IQCH: variants seen among roughly 807,000 people sequenced by gnomAD.
IQCH encodes IQ motif containing H.
Under a neutral mutation model 117.0 loss-of-function variants are expected in IQCH, and 98 were observed. The observed-to-expected ratio is 0.84, with a 90% confidence interval of 0.71 to 0.99. The LOEUF is 0.99. Among genes scored for constraint, IQCH ranks in the 50% least tolerant of loss-of-function variants. The pLI is 0.00. For missense variants in IQCH, 1,102 were observed against 1,243.8 expected (o/e 0.89, Z 1.72); for synonymous variants, 412 against 448.2 (o/e 0.92, Z 1.02).
intron 6 of IQCH, among the ~76,000 whole-genome samples, chr15:67,354,617 G>A (rs1245175753): frequency 7.5e-6 from 1 of 134,090 alleles, no homozygotes; most frequent in Non-Finnish European, 1.7e-5. Context: ...ATAAGACAAA[G>A]TATGGAAGGA....
Position 67,407,151 on chromosome 15 carries a change from T to C in IQCH, c.2097+6846T>C, listed in dbSNP as rs1047948317. ...GCCTATGCTTTACCCAGACAGTGCCTTGGAAAGAATAAGTCTTCATAGCAG... is the reference window on the plus strand; with the variant it reads ...GCCTATGCTTTACCCAGACAGTGCCCTGGAAAGAATAAGTCTTCATAGCAG... On this transcript the variant is annotated intron_variant, in intron 14 of 20. Coordinates refer to ENST00000335894, the MANE Select transcript of IQCH (RefSeq NM_001031715.3). This position sits in a 1 kb window ranked among gnomAD's most constrained non-coding sequence, Gnocchi z 5.3. The C allele has an allele frequency of 1.3e-5, 2 of 152,234 alleles. No individual in the cohort carries two copies. The highest frequency in any genetic ancestry group is 2.9e-5 in the Non-Finnish European group (2 of 68,038). 9.4% of individuals were successfully genotyped at this position (152,234 alleles called of 1,614,324 possible). A position where few individuals can be genotyped will look rare whatever the true frequency, so the allele number is the denominator to read the frequency against.
intron 4 of IQCH, among the ~76,000 whole-genome samples, chr15:67,303,941 T>G (rs1967176051): frequency 6.6e-6 from 1 of 152,162 alleles, no homozygotes; most frequent in South Asian, 2.1e-4. Context: ...GTGGCCACAT[T>G]AACAGACCAA....
rs759730597 is a variant in IQCH, at chr15:67,393,801, G to A, written c.1633-1490G>A. Reference sequence around the variant, plus strand: ...TAAAGTACTGGGATTACAGGTATGAGCCACGGTGCCTAGCCTGACTTTATT... The same window carrying A: ...TAAAGTACTGGGATTACAGGTATGAACCACGGTGCCTAGCCTGACTTTATT... On this transcript the variant is annotated intron_variant, in intron 12 of 20. Transcript: ENST00000335894. The surrounding 1 kb of genome is among the most constrained non-coding windows in gnomAD (Gnocchi z 5.5). Among the ~76,000 whole-genome samples, 2 of 152,150 alleles carry A rather than the reference G, an allele frequency of 1.3e-5. No homozygotes were observed. Among genetic ancestry groups the A allele is most frequent in the Admixed American group, 6.5e-5 (1 of 15,270 alleles).
chr15:67,495,362 T>C (rs1412550444), intron 20 of IQCH, among the ~76,000 whole-genome samples: 1 of 152,128 alleles, frequency 6.6e-6, no homozygotes, highest in Non-Finnish European at 1.5e-5. Context: ...TATTTACTGG[T>C]TTTTGTTTTG....
intron 10 of IQCH, among the ~76,000 whole-genome samples, chr15:67,382,290 G>C (rs1353161781): frequency 6.6e-6 from 1 of 152,194 alleles, no homozygotes; most frequent in Non-Finnish European, 1.5e-5. Flanking sequence ...ATTGCCTCAA[G>C]AGAGACCTAG....
At position 67,422,379 on chromosome 15, in the gene IQCH, G is replaced by C. The variant is rs1337981559; in HGVS notation, c.2505+802G>C. On this transcript the variant is annotated intron_variant, in intron 16 of 20. Transcript: ENST00000335894. This position sits in a 1 kb window ranked among gnomAD's most constrained non-coding sequence, Gnocchi z 4.7. ...GAGAGATACCTCATAAATATAAAAA[G>C]GTCTAAATAATAATATAATCAATAT... Among the ~76,000 whole-genome samples the C allele has an allele frequency of 6.6e-6, 1 of 151,952 alleles. No homozygotes were observed. Among genetic ancestry groups the C allele is most frequent in the African/African-American group, 2.4e-5 (1 of 41,332 alleles).
intron 16 of IQCH, among the ~76,000 whole-genome samples, chr15:67,437,276 T>C (rs545393585): frequency 6.6e-6 from 1 of 152,290 alleles, no homozygotes; most frequent in East Asian, 1.9e-4. Flanking sequence ...CCAGGTAGAC[T>C]TGATGGGTGG....
Position 67,335,404 on chromosome 15 carries a change from A to G in IQCH, c.388-1571A>G, listed in dbSNP as rs556406035. 2.6e-5 allele frequency among the ~76,000 whole-genome samples: 4 copies of G among 152,314 alleles called. No individual in the cohort carries two copies. In the East Asian group the frequency reaches 5.8e-4, roughly 22 times the overall value. ...ATTTTACATCATCACAGTGCTTGAC[A>G]GTTTTATTTAAGTTGAATCTTTCTC... On this transcript the variant is annotated intron_variant, in intron 4 of 20. Coordinates refer to ENST00000335894, the MANE Select transcript of IQCH (RefSeq NM_001031715.3).
rs910196263 is a variant in IQCH, at chr15:67,391,586, C to CA, written c.1632+2590dup. ...TAAACAACTACCTTTTATCTCAGGT[C>CA]AAAAAAAAAATCAGTGGTGATAAAT... On this transcript the variant is annotated intron_variant, in intron 12 of 20. Coordinates refer to ENST00000335894, the MANE Select transcript of IQCH (RefSeq NM_001031715.3). This position sits in a 1 kb window ranked among gnomAD's most constrained non-coding sequence, Gnocchi z 4.3. Among the ~76,000 whole-genome samples, 29 of 147,362 alleles carry CA rather than the reference C, an allele frequency of 2.0e-4. No homozygotes were observed. The highest frequency in any genetic ancestry group is 1.7e-3 in the South Asian group (8 of 4,630).
Position 67,372,370 on chromosome 15 carries a change from C to G in IQCH, c.1013C>G (p.Thr338Ser), listed in dbSNP as rs2140789673. Residue 338 changes from threonine to serine, a missense_variant, in exon 9 of 21, where the codon ACC becomes AGC. This residue lies in a region of IQCH where 452 missense variants were observed against 449.6 expected (regional missense o/e 1.01). Transcript: ENST00000335894. Reference protein sequence around the residue: ...LPEFELTNKLTRYDLLSVLED... With the variant: ...LPEFELTNKLSRYDLLSVLED... ...GAGTTTGAGCTGACGAATAAACTTACCAGATATGACCTTCTCTCAGTGTTA... is the reference window on the plus strand; with the variant it reads ...GAGTTTGAGCTGACGAATAAACTTAGCAGATATGACCTTCTCTCAGTGTTA... The G allele has an allele frequency of 6.2e-7, 1 of 1,614,094 alleles. No individual in the cohort carries two copies. Among genetic ancestry groups the G allele is most frequent in the Non-Finnish European group, 8.5e-7 (1 of 1,180,006 alleles).
chr15:67,344,072 G>C lies in IQCH; in HGVS notation c.518G>C (p.Ser173Thr). The change falls in exon 6 of 21, where the codon AGT becomes ACT. Residue 173 changes from serine (S) to threonine (T), a missense_variant. This residue lies in a region of IQCH where 452 missense variants were observed against 449.6 expected (regional missense o/e 1.01). Transcript: ENST00000335894. ...TAATGTTTCTTTTTAGGGATTTTAA[G>C]TATGATAGAACGAGGGCTGATTCCA... ...LQADAHKGIL[S>T]MIERGLIPPT... 1 of 1,612,286 alleles carries C rather than the reference G, an allele frequency of 6.2e-7. No individual in the cohort carries two copies. Among genetic ancestry groups the C allele is most frequent in the Non-Finnish European group, 8.5e-7 (1 of 1,178,930 alleles).
At chr15:67,282,100 C>T (rs1966384012) in intron 4 of IQCH, 1 of 159,788 alleles carries the variant, frequency 6.3e-6, no homozygotes, top group African/African-American at 2.4e-5. Flanking sequence ...AATAAGATAC[C>T]ACCAGATAAT....
At chr15:67,346,661 G>T (rs1473252871) in intron 6 of IQCH, among the ~76,000 whole-genome samples, 4 of 152,110 alleles carry the variant, frequency 2.6e-5, no homozygotes, top group African/African-American at 9.7e-5. Context: ...TGGCTTGTGG[G>T]TTAGGGACCC....
intron 4 of IQCH, among the ~76,000 whole-genome samples, chr15:67,300,419 T>C (rs760051319): frequency 1.6e-4 from 25 of 152,176 alleles, no homozygotes; most frequent in Non-Finnish European, 1.8e-4. Context: ...GAAATCTAGA[T>C]CATACAGCTC....
intron 4 of IQCH, chr15:67,306,896 G>C: frequency 6.6e-7 from 1 of 1,512,416 alleles, no homozygotes; most frequent in Non-Finnish European, 8.8e-7. Flanking sequence ...CTGACATCCA[G>C]TTCCAGTTAG....
chr15:67,351,256 A>G (rs1326496311), intron 6 of IQCH, among the ~76,000 whole-genome samples: 1 of 150,642 alleles, frequency 6.6e-6, no homozygotes, highest in African/African-American at 2.4e-5. Context: ...CCACCCCCCA[A>G]CAGTCCCTGG....
intron 16 of IQCH, among the ~76,000 whole-genome samples, chr15:67,428,678 A>G (rs1033945878): frequency 6.6e-6 from 1 of 151,954 alleles, no homozygotes; most frequent in African/African-American, 2.4e-5. Context: ...GTGAAACCCC[A>G]TCTCTACTAA....
In IQCH at chr15:67,359,096, T is replaced by C. The variant is rs1462571602; in HGVS notation, c.715-751T>C. Among the ~76,000 whole-genome samples the C allele has an allele frequency of 2.0e-5, 3 of 152,200 alleles. No individual in the cohort carries two copies. Among genetic ancestry groups the C allele is most frequent in the Non-Finnish European group, 4.4e-5 (3 of 68,026 alleles). On this transcript the variant is annotated intron_variant, in intron 7 of 20. Coordinates refer to ENST00000335894, the MANE Select transcript of IQCH (RefSeq NM_001031715.3). This position sits in a 1 kb window ranked among gnomAD's most constrained non-coding sequence, Gnocchi z 4.5. ...AACAGGCTGTGAGAAGGCCATGGGC[T>C]AATATGCATAATAGGAACAGGCGGA...
chr15:67,352,147 G>A lies in IQCH; in HGVS notation c.638-5198G>A, dbSNP rs550709180. Among the ~76,000 whole-genome samples, 9 of 150,048 alleles carry A rather than the reference G, an allele frequency of 6.0e-5. No homozygotes were observed. In the East Asian group the frequency reaches 1.6e-3, roughly 26 times the overall value. On this transcript the variant is annotated intron_variant, in intron 6 of 20. Transcript: ENST00000335894. ...GATACATTCCTTTTATATTCTTATT[G>A]TGATTAGCTTCTTATTTTCACATGC...
Sources: allele counts gnomAD v4.1 joint callset (sites outside exome capture counted in the v4.1 genomes callset), GRCh38; gene constraint gnomAD v4.1.1; regional missense constraint gnomAD v4.1.1; non-coding constraint Gnocchi (gnomAD v3.1); transcripts MANE v1.5; gene names NCBI Gene and HGNC (gene_info 2026-07-23, HGNC 2026-07-21).